The following BMPR1B variants were observed in gnomAD, a reference collection of about 807,000 sequenced individuals.
BMPR1B encodes bone morphogenetic protein receptor type-1B.
Under a neutral mutation model 59.1 loss-of-function variants are expected in BMPR1B, and 12 were observed. That is an observed-to-expected ratio of 0.20 (90% CI 0.13 to 0.33). The LOEUF is 0.33. Among genes scored for constraint, BMPR1B ranks in the 10% least tolerant of loss-of-function variants. The pLI, the probability that BMPR1B is intolerant of heterozygous loss-of-function variation, is 1.00. For synonymous variants in BMPR1B, 237 were observed against 207.3 expected, an observed-to-expected ratio of 1.14 and a Z score of -1.23; for missense variants, 550 against 610.9, an observed-to-expected ratio of 0.90 and a Z score of 1.05.
At chr4:94,891,680 G>A (rs1727400464) in intron 2 of BMPR1B, among the ~76,000 whole-genome samples, 1 of 151,998 alleles carries the variant, frequency 6.6e-6, no homozygotes. Flanking sequence ...TTCAAAAATG[G>A]AATAGCATAG....
At chr4:94,872,273 TAAATGTAA>T in intron 1 of BMPR1B, among the ~76,000 whole-genome samples, 1 of 152,340 alleles carries the variant, frequency 6.6e-6, no homozygotes, top group Middle Eastern at 3.4e-3. Context: ...TAAATAAAGA[TAAATGTAA>T]ATATTTGTAG....
At chr4:94,816,056 CTTTCTT>C (rs1723997909) in intron 1 of BMPR1B, among the ~76,000 whole-genome samples, 1 of 149,806 alleles carries the variant, frequency 6.7e-6, no homozygotes, top group Admixed American at 6.6e-5. Flanking sequence ...GTTGTTTTCT[CTTTCTT>C]TTACTTATAT....
intron 1 of BMPR1B, among the ~76,000 whole-genome samples, chr4:94,868,153 ATACCCAGCCT>A (rs1726323582): frequency 6.6e-6 from 1 of 150,794 alleles, no homozygotes; most frequent in Non-Finnish European, 1.5e-5. Flanking sequence ...GCGAGCCACC[ATACCCAGCCT>A]TACTTCTTCT....
intron 1 of BMPR1B, among the ~76,000 whole-genome samples, chr4:94,826,425 CT>C (rs1360795264): frequency 1.3e-5 from 2 of 152,188 alleles, no homozygotes; most frequent in African/African-American, 4.8e-5. Flanking sequence ...TTCCTGCTCC[CT>C]TTGTTCTCTT....
chr4:94,848,180 A>G (rs1298005505), intron 1 of BMPR1B, among the ~76,000 whole-genome samples: 1 of 106,682 alleles, frequency 9.4e-6, no homozygotes, highest in Admixed American at 8.2e-5. Context: ...TTAGGATTTT[A>G]TTAGGAATTA....
Position 95,116,621 on chromosome 4 carries a change from C to CTT in BMPR1B, c.349+845_349+846dup, listed in dbSNP as rs945802587. On this transcript the variant is annotated intron_variant, in intron 6 of 12. Transcript: ENST00000515059. Reference sequence around the variant, plus strand: ...TGTTTTGCTTTCTCTCTCTCTCTCTCTTTTTTTTTTTTGAGACAGGGTCTT... The same window carrying CTT: ...TGTTTTGCTTTCTCTCTCTCTCTCTCTTTTTTTTTTTTTTGAGACAGGGTCTT... Among the ~76,000 whole-genome samples the CTT allele has an allele frequency of 1.4e-3, 205 of 143,048 alleles. 1 individual carries two copies. The highest frequency in any genetic ancestry group is 5.0e-3 in the African/African-American group (200 of 39,666). The allele number at this position is 143,048 out of a possible 152,430, so 93.8% of individuals were successfully genotyped here.
chr4:94,824,344 C>G (rs1212604413), intron 1 of BMPR1B, among the ~76,000 whole-genome samples: 3 of 152,160 alleles, frequency 2.0e-5, no homozygotes, highest in African/African-American at 7.2e-5. Context: ...GTACACAGTT[C>G]TGTGGTAGCA....
chr4:94,765,077 A>G (rs1721918852), intron 1 of BMPR1B, among the ~76,000 whole-genome samples: 1 of 152,174 alleles, frequency 6.6e-6, no homozygotes, highest in South Asian at 2.1e-4. Flanking sequence ...GTTAACCTGC[A>G]TATATTATTC....
intron 3 of BMPR1B, among the ~76,000 whole-genome samples, chr4:95,078,454 G>C (rs1728872424): frequency 6.6e-6 from 1 of 152,170 alleles, no homozygotes; most frequent in Non-Finnish European, 1.5e-5. Flanking sequence ...ACTGGGCTCT[G>C]TACTAAGTGC....
At chr4:95,086,933 C>T (rs1729621512) in intron 3 of BMPR1B, among the ~76,000 whole-genome samples, 1 of 150,264 alleles carries the variant, frequency 6.7e-6, no homozygotes, top group Admixed American at 6.6e-5. Context: ...AAAATAAATT[C>T]TAAATGTTGT....
chr4:94,869,423 C>T (rs1474752984), intron 1 of BMPR1B, among the ~76,000 whole-genome samples: 1 of 151,728 alleles, frequency 6.6e-6, no homozygotes, highest in East Asian at 1.9e-4. Context: ...TGAGGGTTCT[C>T]TTAAATGATC....
At chr4:95,040,036 A>T (rs1321865365) in intron 3 of BMPR1B, among the ~76,000 whole-genome samples, 2 of 152,224 alleles carry the variant, frequency 1.3e-5, no homozygotes, top group Non-Finnish European at 2.9e-5. Context: ...GGTTAGTAAC[A>T]GCTAAGTCTA....
intron 3 of BMPR1B, among the ~76,000 whole-genome samples, chr4:95,096,761 ATAACTATG>A (rs1730417508): frequency 7.2e-6 from 1 of 138,644 alleles, no homozygotes; most frequent in African/African-American, 2.6e-5. Context: ...ATAGTTATAT[ATAACTATG>A]TATAGTTATA....
At chr4:94,901,201 T>A (rs929326706) in intron 2 of BMPR1B, among the ~76,000 whole-genome samples, 1 of 151,910 alleles carries the variant, frequency 6.6e-6, no homozygotes, top group African/African-American at 2.4e-5. Flanking sequence ...ATTAATGGGG[T>A]CATGACATCA....
intron 1 of BMPR1B, among the ~76,000 whole-genome samples, chr4:94,784,385 A>G (rs1722691974): frequency 6.6e-6 from 1 of 152,226 alleles, no homozygotes; most frequent in Non-Finnish European, 1.5e-5. Context: ...TTGTAAAATT[A>G]TCTGAACTTA....
At chr4:94,826,650 C>G (rs1560502976) in intron 1 of BMPR1B, among the ~76,000 whole-genome samples, 1 of 122,776 alleles carries the variant, frequency 8.1e-6, no homozygotes, top group Non-Finnish European at 1.7e-5. Context: ...CTGGAATGTT[C>G]TATACATTAA....
intron 1 of BMPR1B, among the ~76,000 whole-genome samples, chr4:94,833,140 G>A (rs74426478): frequency 6.7e-6 from 1 of 150,368 alleles, no homozygotes; most frequent in Admixed American, 6.6e-5. Context: ...ACAGTGAGCT[G>A]TGATAGTGCC....
chr4:95,079,757 A>C (rs1381017229), intron 3 of BMPR1B, among the ~76,000 whole-genome samples: 1 of 151,942 alleles, frequency 6.6e-6, no homozygotes, highest in South Asian at 2.1e-4. Flanking sequence ...AAAAAAAAAA[A>C]CATGCAGAAG....
At chr4:94,911,068 T>A (rs1050149849) in intron 2 of BMPR1B, among the ~76,000 whole-genome samples, 2 of 152,200 alleles carry the variant, frequency 1.3e-5, no homozygotes, top group Non-Finnish European at 2.9e-5. Context: ...TGATACATAC[T>A]AATGTATTCA....
Sources: gnomAD v4.1 joint callset for allele counts (sites outside exome capture counted in the v4.1 genomes callset) on GRCh38, gnomAD v4.1.1 for gene constraint, MANE v1.5 for transcripts, NCBI Gene and HGNC (gene_info 2026-07-23, HGNC 2026-07-21) for gene names.